Variants in PDIA4 observed in about 807,000 individuals in gnomAD.
PDIA4 encodes the protein protein disulfide-isomerase A4.
Under a neutral mutation model 62.1 loss-of-function variants are expected in PDIA4, and 33 were observed. The ratio of observed to expected loss-of-function variants is 0.53; its 90% CI spans 0.40 to 0.71. The LOEUF is 0.71. Ranked by LOEUF, PDIA4 falls within the 30% of genes least tolerant of loss-of-function variation. PDIA4 has a pLI of 0.00. For synonymous variants in PDIA4, 341 were observed against 324.1 expected, an observed-to-expected ratio of 1.05 and a Z score of -0.56; for missense variants, 804 against 813.6, an observed-to-expected ratio of 0.99 and a Z score of 0.14.
intron 1 of PDIA4, among the ~76,000 whole-genome samples, chr7:149,023,487 G>C (rs1247315936): frequency 1.3e-5 from 2 of 151,818 alleles, no homozygotes; most frequent in African/African-American, 2.4e-5. Flanking sequence ...TTAAATCCTG[G>C]GTGGTCCCTG....
Position 149,021,141 on chromosome 7 carries a change from G to C in PDIA4, c.95C>G (p.Ser32Cys). Residue 32 changes from serine (S) to cysteine (C), a missense_variant, in exon 2 of 10, where the codon TCT (serine) becomes TGT (cysteine). Coordinates refer to ENST00000652332, the MANE Select transcript of PDIA4 (RefSeq NM_004911.5). ...AGAEGPDEDS[S>C]NRENAIEDEE... ...ATCCTCAATGGCATTTTCTCTGTTA[G>C]AAGAATCTGAGTGGAAAACACCCAG... The C allele has an allele frequency of 6.3e-7, 1 of 1,583,374 alleles. No individual in the cohort carries two copies.
At chr7:149,013,072 ACCCCGTCT>A (rs1413783979) in intron 4 of PDIA4, among the ~76,000 whole-genome samples, 4 of 152,096 alleles carry the variant, frequency 2.6e-5, no homozygotes, top group Non-Finnish European at 5.9e-5. Flanking sequence ...ACATGGCAAT[ACCCCGTCT>A]CTACTAAAAA....
At chr7:149,016,293 C>T (rs186860449) in intron 3 of PDIA4, among the ~76,000 whole-genome samples, 13 of 152,152 alleles carry the variant, frequency 8.5e-5, no homozygotes, top group African/African-American at 2.9e-4. Context: ...GAGGAAGACT[C>T]CATCTAAAAT....
intron 9 of PDIA4, 134 bp from the exon 10 acceptor site, chr7:149,004,343 G>T (rs1257536810): frequency 2.6e-6 from 2 of 772,816 alleles, no homozygotes; most frequent in African/African-American, 3.5e-5. Flanking sequence ...GCCCACTACT[G>T]TAGAAAGTAG....
Position 149,014,884 on chromosome 7 carries a change from A to G in PDIA4, c.614+20T>C, listed in dbSNP as rs1453655286. The stretch of plus-strand genomic sequence containing the variant: ...GCCCACCAGGGTACTGAATATGGAA[A>G]GGGCCTGACACCACCTTACCATGGG... On this transcript the variant is annotated intron_variant, in intron 4 of 9. Coordinates refer to ENST00000652332, the MANE Select transcript of PDIA4 (RefSeq NM_004911.5). The G allele has an allele frequency of 3.7e-6, 6 of 1,613,146 alleles. No homozygotes were observed. Among genetic ancestry groups the G allele is most frequent in the Non-Finnish European group, 5.1e-6 (6 of 1,179,328 alleles).
chr7:149,007,667 G>A (rs1823809417), intron 7 of PDIA4, among the ~76,000 whole-genome samples: 1 of 152,240 alleles, frequency 6.6e-6, no homozygotes. Flanking sequence ...GAAGTGCAGG[G>A]GTGCAGTAAT....
At chr7:149,018,845 C>A (rs1240337305) in intron 3 of PDIA4, 147 bp downstream of exon 3, 1 of 143,266 alleles carries the variant, frequency 7.0e-6, no homozygotes, top group African/African-American at 2.6e-5. Context: ...CCCCCACCCC[C>A]ACCCCAAGAG....
chr7:149,015,492 CAAAAAAA>C (rs34656815), intron 3 of PDIA4, among the ~76,000 whole-genome samples: 4 of 104,418 alleles, frequency 3.8e-5, no homozygotes, highest in African/African-American at 1.1e-4. Flanking sequence ...AAGATGTATG[CAAAAAAA>C]AAAAAAAAAA....
At chr7:149,009,752 A>G (rs1823881961) in intron 6 of PDIA4, among the ~76,000 whole-genome samples, 2 of 152,234 alleles carry the variant, frequency 1.3e-5, no homozygotes, top group Admixed American at 1.3e-4. Flanking sequence ...GGGTGTGGAC[A>G]AAGCTGTGTT....
intron 3 of PDIA4, among the ~76,000 whole-genome samples, chr7:149,018,340 C>T (rs1824216497): frequency 6.6e-6 from 1 of 152,186 alleles, no homozygotes; most frequent in South Asian, 2.1e-4. Context: ...GCTGAACAAG[C>T]CCTCCAGATG....
intron 6 of PDIA4, among the ~76,000 whole-genome samples, chr7:149,009,240 A>G (rs1260035857): frequency 6.6e-6 from 1 of 152,058 alleles, no homozygotes; most frequent in Non-Finnish European, 1.5e-5. Context: ...CAACCCCAAG[A>G]GTTTAAGACC....
chr7:149,007,446 T>G (rs1342363687), intron 7 of PDIA4, among the ~76,000 whole-genome samples: 2 of 152,022 alleles, frequency 1.3e-5, no homozygotes, highest in Non-Finnish European at 2.9e-5. Flanking sequence ...GGGTCTGGGG[T>G]GGGGGGTAGA....
At position 149,008,139 on chromosome 7, in the gene PDIA4, T is replaced by A; in HGVS notation, c.1131+20A>T. 1.2e-6 allele frequency: 2 copies of A among 1,610,964 alleles called. No homozygotes were observed. The highest frequency in any genetic ancestry group is 1.7e-4 in the Middle Eastern group (1 of 6,018). On this transcript the variant is annotated intron_variant, in intron 7 of 9. Coordinates refer to ENST00000652332, the MANE Select transcript of PDIA4 (RefSeq NM_004911.5). ...GCCTGCGGGGTGTCCAGGGCTGGCATGGCAGAGGGGCCCGCTTACCTGGAC... is the reference window on the plus strand; with the variant it reads ...GCCTGCGGGGTGTCCAGGGCTGGCAAGGCAGAGGGGCCCGCTTACCTGGAC...
chr7:149,014,790 A>C, intron 4 of PDIA4, 114 bp downstream of exon 4: 6 of 945,736 alleles, frequency 6.3e-6, no homozygotes, highest in Non-Finnish European at 9.8e-6. Context: ...CCTGGCCTAC[A>C]ACTCGTGCCC....
chr7:149,017,746 A>G (rs948010144), intron 3 of PDIA4, among the ~76,000 whole-genome samples: 9 of 152,210 alleles, frequency 5.9e-5, no homozygotes, highest in African/African-American at 2.2e-4. Flanking sequence ...AAATCAAATA[A>G]TTTATTTGTT....
Position 149,011,792 on chromosome 7 carries a change from C to T in PDIA4, c.979+54G>A, listed in dbSNP as rs1008947480. 8.6e-5 allele frequency: 124 copies of T among 1,446,376 alleles called. No homozygotes were observed. In the Middle Eastern group the frequency reaches 1.5e-3, roughly 17 times the overall value. The allele number at this position is 1,446,376 out of a possible 1,614,324, so 89.6% of individuals were successfully genotyped here. A position where few individuals can be genotyped will look rare whatever the true frequency, so the allele number is the denominator to read the frequency against. On this transcript the variant is annotated intron_variant, in intron 6 of 9. Transcript: ENST00000652332. ...GGAGCTTTCTGAAAAACCAGGCAAC[C>T]GCAGACGGCCCAAGGCACGCACATT...
chr7:149,018,250 T>C lies in PDIA4; in HGVS notation c.475+742A>G, dbSNP rs367659073. On this transcript the variant is annotated intron_variant, in intron 3 of 9. Transcript: ENST00000652332. ...TCTCAAAAAAAAAATAAAAAAGAAA[T>C]GCAAATTATCTGGCCTGACTTGTAC... Among the ~76,000 whole-genome samples the C allele has an allele frequency of 6.6e-5, 10 of 151,602 alleles. 1 individual carries two copies. The East Asian group carries it at 1.8e-3, about 27-fold the overall frequency.
chr7:149,018,319 G>A (rs924571967), intron 3 of PDIA4, among the ~76,000 whole-genome samples: 10 of 152,120 alleles, frequency 6.6e-5, no homozygotes, highest in African/African-American at 2.4e-4. Flanking sequence ...TCTGGCGCTG[G>A]GGCCCAGCAA....
Position 149,003,942 on chromosome 7 carries a change from A to G in PDIA4, c.1790T>C (p.Val597Ala). 6.2e-7 allele frequency: 1 copy of G among 1,613,374 alleles called. No homozygotes were observed. Residue 597 changes from valine (V) to alanine (A), a missense_variant, in exon 10 of 10, where the codon GTG (valine) becomes GCG (alanine). Val to Ala is a moderately conservative substitution (Grantham distance 64). Coordinates refer to ENST00000652332, the MANE Select transcript of PDIA4 (RefSeq NM_004911.5). ...GAAGTAGATGGTGGGGAAGCCCTCCACCTTATAGCGGTCGCTGGGGACGTC... is the reference window on the plus strand; with the variant it reads ...GAAGTAGATGGTGGGGAAGCCCTCCGCCTTATAGCGGTCGCTGGGGACGTC... The part of the protein sequence containing the change: ...ANDVPSDRYK[V>A]EGFPTIYFAP...
Sources: allele counts gnomAD v4.1 joint callset (sites outside exome capture counted in the v4.1 genomes callset), GRCh38; gene constraint gnomAD v4.1.1; transcripts MANE v1.5; gene names NCBI Gene and HGNC (gene_info 2026-07-23, HGNC 2026-07-21).